The following AKAP11 variants were observed in gnomAD, a reference collection of about 807,000 sequenced individuals.
AKAP11 encodes A-kinase anchor protein 11.
AKAP11 carries 36 observed loss-of-function variants against 146.1 expected under a neutral mutation model. The observed-to-expected ratio is 0.25, with a 90% CI of 0.19 to 0.33. AKAP11 has a LOEUF of 0.33. AKAP11 is among the 10% of genes least tolerant of loss of function. AKAP11 has a pLI of 1.00. For missense variants in AKAP11, 2,201 were observed against 2,197.0 expected (o/e 1.00, Z -0.04); for synonymous variants, 780 against 786.5 (o/e 0.99, Z 0.14).
Position 42,299,653 on chromosome 13 carries a change from C to G in AKAP11, c.907C>G (p.Pro303Ala). 6.2e-7 allele frequency: 1 copy of G among 1,613,724 alleles called. No homozygotes were observed. ...DLQKTFFSSSPAYSSESECSS... is the reference protein window; with the variant it reads ...DLQKTFFSSSAAYSSESECSS... ...ACAGAAAACATTTTTTTCGTCTTCT[C>G]CTGCCTACTCATCTGAATCAGAATG... Residue 303 changes from proline to alanine, a missense_variant, in exon 8 of 13, where the codon CCT becomes GCT. Transcript: ENST00000025301.
At position 42,303,873 on chromosome 13, in the gene AKAP11, A is replaced by G; in HGVS notation, c.5117+10A>G. ...GGCATGCTGTTAGCAGGTAAGTTTC[A>G]CGTTTCTTTTGGTTGTTAATGATAA... is the stretch of plus-strand genomic sequence containing the variant. On this transcript the variant is annotated intron_variant, in intron 8 of 12. Transcript: ENST00000025301. The G allele has an allele frequency of 6.4e-7, 1 of 1,553,850 alleles. No individual in the cohort carries two copies. Among genetic ancestry groups the G allele is most frequent in the South Asian group, 1.2e-5 (1 of 81,388 alleles).
chr13:42,304,621 C>T (rs563557830), intron 8 of AKAP11, among the ~76,000 whole-genome samples: 1 of 149,586 alleles, frequency 6.7e-6, no homozygotes, highest in Non-Finnish European at 1.5e-5. Flanking sequence ...TTAAACTACT[C>T]TGAAGAAGAA....
rs548114292 is a variant in AKAP11, at chr13:42,323,184, G to T, written c.*3956G>T. The T allele has an allele frequency of 6.5e-6, 1 of 152,782 alleles. No homozygotes were observed. The highest frequency in any genetic ancestry group is 2.4e-5 in the African/African-American group (1 of 41,554). 9.5% of individuals were successfully genotyped at this position (152,782 alleles called of 1,614,324 possible). A position where few individuals can be genotyped will look rare whatever the true frequency, so the allele number is the denominator to read the frequency against. On this transcript the variant is annotated 3_prime_UTR_variant, in exon 13 of 13. Transcript: ENST00000025301. ...CTTTTGTAATTATTTGCAATTAATTGTTCTTTTATCTTACAATTGTTTAAG... is the reference window on the plus strand; with the variant it reads ...CTTTTGTAATTATTTGCAATTAATTTTTCTTTTATCTTACAATTGTTTAAG...
chr13:42,286,929 C>T lies in AKAP11; in HGVS notation c.51+530C>T, dbSNP rs146352156. ...AAACTTTGGAGGCACTACCCATGAA[C>T]AAAGAAGGGAAGAATGGAGCCTGGA... On this transcript the variant is annotated intron_variant, in intron 3 of 12. Coordinates refer to ENST00000025301, the MANE Select transcript of AKAP11 (RefSeq NM_016248.4). 1.8e-4 allele frequency among the ~76,000 whole-genome samples: 28 copies of T among 152,312 alleles called. No individual in the cohort carries two copies. In the East Asian group the frequency reaches 4.6e-3, roughly 25 times the overall value.
chr13:42,314,693 T>C (rs1960735572), intron 11 of AKAP11, among the ~76,000 whole-genome samples: 1 of 152,180 alleles, frequency 6.6e-6, no homozygotes, highest in African/African-American at 2.4e-5. Context: ...ATATTTTTAC[T>C]TACCTTGTTT....
Position 42,302,266 on chromosome 13 carries a change from G to T in AKAP11, c.3520G>T (p.Val1174Phe). 6.2e-7 allele frequency: 1 copy of T among 1,614,202 alleles called. No individual in the cohort carries two copies. The highest frequency in any genetic ancestry group is 8.5e-7 in the Non-Finnish European group (1 of 1,180,032). The change falls in exon 8 of 13, where the codon GTT becomes TTT. Residue 1174 changes from valine (V) to phenylalanine (F), a missense_variant. Val to Phe is a conservative substitution (Grantham distance 50). This residue lies in a region of AKAP11 where 1,867 missense variants were observed against 1,833.5 expected (regional missense o/e 1.02). Transcript: ENST00000025301. ...ACTCATGCGATCTCTTTCTGAAGAA[G>T]TTGAGAGTAGTGAAAGTGGAGAGCT... ...LKLMRSLSEE[V>F]ESSESGELPE... is the part of the protein sequence containing the mutation.
At chr13:42,275,514 A>C (rs903081249) in intron 1 of AKAP11, among the ~76,000 whole-genome samples, 2 of 152,240 alleles carry the variant, frequency 1.3e-5, no homozygotes, top group Non-Finnish European at 2.9e-5. Flanking sequence ...GGCCATGCCA[A>C]CATATTTAAC....
rs1302205566 is a variant in AKAP11, at chr13:42,303,782, A to G, written c.5036A>G (p.Gln1679Arg). Residue 1679 changes from glutamine to arginine, a missense_variant, in exon 8 of 13, where the codon CAG (glutamine) becomes CGG (arginine). Gln to Arg is a conservative substitution (Grantham distance 43, BLOSUM62 1). This residue lies in a region of AKAP11 where 1,867 missense variants were observed against 1,833.5 expected (regional missense o/e 1.02). Transcript: ENST00000025301. ...CTGGCAGCCGACAGTGGGATCGGAC[A>G]GGAGGGTGCCAGCTTTGCTGAAAGC... The part of the protein sequence containing the change: ...TSLAADSGIG[Q>R]EGASFAESLA... 6 of 1,613,608 alleles carry G rather than the reference A, an allele frequency of 3.7e-6. No homozygotes were observed. Among genetic ancestry groups the G allele is most frequent in the East Asian group, 4.5e-5 (2 of 44,888 alleles).
chr13:42,285,274 G>A (rs1594306877), intron 1 of AKAP11, among the ~76,000 whole-genome samples: 4 of 152,132 alleles, frequency 2.6e-5, no homozygotes, highest in Admixed American at 2.6e-4. Flanking sequence ...GAACTCCTGG[G>A]CTCAAGCAGT....
chr13:42,298,357 G>A (rs1050740731), intron 6 of AKAP11, among the ~76,000 whole-genome samples, 176 bp from the exon 7 acceptor site: 3 of 152,048 alleles, frequency 2.0e-5, no homozygotes, highest in Non-Finnish European at 2.9e-5. Context: ...GGACTGGAAA[G>A]TGAAAAATGT....
chr13:42,296,728 C>T (rs1031136639), intron 5 of AKAP11, among the ~76,000 whole-genome samples: 1 of 151,310 alleles, frequency 6.6e-6, no homozygotes, highest in African/African-American at 2.4e-5. Flanking sequence ...TAAGTTAAGA[C>T]CTATATGTTG....
At chr13:42,293,940 C>T (rs1456996910) in intron 4 of AKAP11, among the ~76,000 whole-genome samples, 1 of 152,200 alleles carries the variant, frequency 6.6e-6, no homozygotes, top group Admixed American at 6.5e-5. Context: ...GCACTTTCCT[C>T]TACATTATCC....
chr13:42,315,902 C>T (rs531841002), intron 11 of AKAP11, among the ~76,000 whole-genome samples: 1 of 152,156 alleles, frequency 6.6e-6, no homozygotes, highest in Non-Finnish European at 1.5e-5. Flanking sequence ...AGTCCCTCCC[C>T]TTTTCACTAA....
At chr13:42,278,151 G>C (rs181434488) in intron 1 of AKAP11, among the ~76,000 whole-genome samples, 25 of 152,262 alleles carry the variant, frequency 1.6e-4, no homozygotes, top group African/African-American at 6.0e-4. Flanking sequence ...CTGAGATTGA[G>C]AAACTCTGTA....
chr13:42,312,959 A>T (rs1960634059), intron 9 of AKAP11, 88 bp from the exon 10 acceptor site: 4 of 1,089,014 alleles, frequency 3.7e-6, no homozygotes, highest in Non-Finnish European at 5.4e-6. Flanking sequence ...ATCTGCAGTT[A>T]TCAAGGACAG....
At chr13:42,280,676 T>G (rs760215614) in intron 1 of AKAP11, among the ~76,000 whole-genome samples, 3 of 152,174 alleles carry the variant, frequency 2.0e-5, no homozygotes, top group Non-Finnish European at 4.4e-5. Flanking sequence ...AGGATTAAAT[T>G]ATAAACCACT....
intron 3 of AKAP11, among the ~76,000 whole-genome samples, chr13:42,291,442 G>A (rs901357394): frequency 1.3e-5 from 2 of 152,014 alleles, no homozygotes; most frequent in African/African-American, 2.4e-5. Flanking sequence ...TAGTAAAGAC[G>A]GGCTTTCGCT....
rs1471626382 is a variant in AKAP11 at position 42,321,436 on chromosome 13, A to G, written c.*2208A>G. ...TTATTAGGTATTAGCATGTGTGGTAATAATAATAGTGGAACTTCACACTTA... is the reference window on the plus strand; with the variant it reads ...TTATTAGGTATTAGCATGTGTGGTAGTAATAATAGTGGAACTTCACACTTA... On this transcript the variant is annotated 3_prime_UTR_variant, in exon 13 of 13. Coordinates refer to ENST00000025301, the MANE Select transcript of AKAP11 (RefSeq NM_016248.4). 1.3e-5 allele frequency: 2 copies of G among 152,304 alleles called. No homozygotes were observed. Among genetic ancestry groups the G allele is most frequent in the Admixed American group, 6.5e-5 (1 of 15,274 alleles). 9.4% of individuals were successfully genotyped at this position (152,304 alleles called of 1,614,324 possible).
chr13:42,310,995 A>G (rs1403819719), intron 9 of AKAP11, among the ~76,000 whole-genome samples: 1 of 150,736 alleles, frequency 6.6e-6, no homozygotes, highest in Non-Finnish European at 1.5e-5. Flanking sequence ...TTATATAATT[A>G]TTTGATCAGA....
Sources: allele counts gnomAD v4.1 joint callset (sites outside exome capture counted in the v4.1 genomes callset), GRCh38; gene constraint gnomAD v4.1.1; regional missense constraint gnomAD v4.1.1; transcripts MANE v1.5; gene names NCBI Gene and HGNC (gene_info 2026-07-23, HGNC 2026-07-21).